Variants in POGZ observed in about 807,000 individuals in gnomAD.
POGZ encodes the protein pogo transposable element with ZNF domain.
A neutral mutation model predicts 134.6 loss-of-function variants in POGZ; 17 were observed. That is an observed-to-expected ratio of 0.13 (90% CI 0.09 to 0.19). The LOEUF is 0.19. Among genes scored for constraint, POGZ ranks in the 10% least tolerant of loss-of-function variants. The pLI is 1.00. For missense variants in POGZ, 1,306 were observed against 1,769.7 expected, an observed-to-expected ratio of 0.74 and a Z score of 4.70; for synonymous variants, 693 against 657.1, an observed-to-expected ratio of 1.05 and a Z score of -0.84.
intron 3 of POGZ, among the ~76,000 whole-genome samples, chr1:151,433,833 A>G (rs942885510): frequency 6.6e-6 from 1 of 152,174 alleles, no homozygotes; most frequent in African/African-American, 2.4e-5. Flanking sequence ...TTCTATTTCC[A>G]GAGGATGAAA....
intron 5 of POGZ, among the ~76,000 whole-genome samples, chr1:151,428,629 C>CA (rs1260982621): frequency 6.6e-6 from 1 of 152,122 alleles, no homozygotes; most frequent in East Asian, 1.9e-4. Context: ...ATAAGACTCC[C>CA]ATCAACTCCT....
chr1:151,409,517 T>C (rs12084775), intron 12 of POGZ, among the ~76,000 whole-genome samples: 4,276 of 152,264 alleles, frequency 0.028, 204 homozygotes, highest in African/African-American at 0.098. Context: ...TGTATTTTTT[T>C]GTAGAGACGG....
intron 3 of POGZ, among the ~76,000 whole-genome samples, chr1:151,433,683 G>C (rs1659108500): frequency 6.7e-6 from 1 of 148,848 alleles, no homozygotes; most frequent in African/African-American, 2.5e-5. Flanking sequence ...GACCAGATTA[G>C]ATTCACAATG....
At chr1:151,459,013 G>GCCCCCCCC (rs550552322) in intron 1 of POGZ, 139 bp downstream of exon 1, 1 of 142,090 alleles carries the variant, frequency 7.0e-6, no homozygotes, top group African/African-American at 2.5e-5. Context: ...CGCACCGCCG[G>GCCCCCCCC]CCCCCCGCCC....
chr1:151,418,552 T>C (rs1228443747), intron 10 of POGZ, among the ~76,000 whole-genome samples: 1 of 152,198 alleles, frequency 6.6e-6, no homozygotes, highest in Non-Finnish European at 1.5e-5. Context: ...CAATAACCTG[T>C]TGTAAATTTT....
rs375598078 is a variant in POGZ, at chr1:151,423,933, G to A, written c.1523+16C>T. The A allele has an allele frequency of 7.6e-6, 12 of 1,582,574 alleles. No individual in the cohort carries two copies. In the Admixed American group the frequency reaches 1.0e-4, roughly 14 times the overall value. On this transcript the variant is annotated intron_variant, in intron 9 of 18. Coordinates refer to ENST00000271715, the MANE Select transcript of POGZ (RefSeq NM_015100.4). ...TCTCTTGTTCAAGGTAACTTCCAAG[G>A]CTCTTAAACACTTACCGAATATTGT... is the stretch of plus-strand genomic sequence containing the variant.
chr1:151,458,294 G>C (rs1057139959), intron 1 of POGZ, among the ~76,000 whole-genome samples: 9 of 151,870 alleles, frequency 5.9e-5, no homozygotes, highest in Admixed American at 5.2e-4. Flanking sequence ...TAGTCCCCGG[G>C]ATAAACATGG....
intron 2 of POGZ, 26 bp from the exon 3 acceptor site, chr1:151,441,112 C>T: frequency 6.2e-7 from 1 of 1,602,962 alleles, no homozygotes. Flanking sequence ...GGCATAGTCA[C>T]TTGGAGACAG....
intron 1 of POGZ, among the ~76,000 whole-genome samples, chr1:151,451,543 C>A (rs1472168560): frequency 6.6e-6 from 1 of 151,474 alleles, no homozygotes; most frequent in East Asian, 2.0e-4. Flanking sequence ...TCAGGCTGGT[C>A]TTCAACTCCT....
rs762138684 is a variant in POGZ at position 151,406,913 on chromosome 1, C to T, written c.2543G>A (p.Arg848Gln). 5.0e-6 allele frequency: 8 copies of T among 1,609,794 alleles called. No homozygotes were observed. The highest frequency in any genetic ancestry group is 1.3e-5 in the African/African-American group (1 of 74,940). Residue 848 changes from arginine (R) to glutamine (Q), a missense_variant and splice_region_variant, in exon 17 of 19, where the codon CGG (arginine) becomes CAG (glutamine). Arg to Gln is a conservative substitution (Grantham distance 43). Around this residue, in one of 10 missense-constraint regions of POGZ, gnomAD observed 214 missense variants for 255.5 expected, o/e 0.84. Transcript: ENST00000271715. Reference protein sequence around the residue: ...PSHRSSSILPRGLTWIAHSRH... With the variant: ...PSHRSSSILPQGLTWIAHSRH... ...TAATCCCCTTCTCTCCTACTTACCCCGTGGCAGGATGCTGCTGGATCTGTG... is the reference window on the plus strand; with the variant it reads ...TAATCCCCTTCTCTCCTACTTACCCTGTGGCAGGATGCTGCTGGATCTGTG...
At chr1:151,440,439 AT>A (rs1181461577) in intron 3 of POGZ, among the ~76,000 whole-genome samples, 2 of 152,106 alleles carry the variant, frequency 1.3e-5, no homozygotes, top group African/African-American at 2.4e-5. Flanking sequence ...ATTAAAAAAA[AT>A]AAAATAAAAT....
intron 1 of POGZ, among the ~76,000 whole-genome samples, chr1:151,442,636 A>G (rs530779138): frequency 9.7e-4 from 143 of 147,768 alleles, no homozygotes; most frequent in Non-Finnish European, 1.8e-3. Context: ...GTTTGAATCC[A>G]GGAGGCAGAG....
rs773506285 is a variant in POGZ, at chr1:151,404,944, G to C, written c.4091C>G (p.Ser1364Cys). Reference protein sequence around the residue: ...EEQLKLSGEHSESSTPRPRSS... With the variant: ...EEQLKLSGEHCESSTPRPRSS... The stretch of plus-strand genomic sequence containing the variant: ...TCTGGGTCGTGGAGTGGAAGACTCA[G>C]AATGTTCCCCACTCAGCTTCAGTTG... The change falls in exon 19 of 19, where the codon TCT becomes TGT. Residue 1364 changes from serine (S) to cysteine (C), a missense_variant. Ser to Cys is a moderately radical substitution (Grantham distance 112). Transcript: ENST00000271715. 1 of 1,614,186 alleles carries C rather than the reference G, an allele frequency of 6.2e-7. No individual in the cohort carries two copies. The highest frequency in any genetic ancestry group is 1.1e-5 in the South Asian group (1 of 91,086).
Position 151,408,398 on chromosome 1 carries a change from A to G in POGZ, c.2234+11T>C, listed in dbSNP as rs746287448. 126 of 1,581,434 alleles carry G rather than the reference A, an allele frequency of 8.0e-5. No homozygotes were observed. The highest frequency in any genetic ancestry group is 1.0e-4 in the Non-Finnish European group (117 of 1,168,284). ...TCCCCACCCGCCCAGCACTTAGAAG[A>G]AGGCGCTGACATTTTCCTAACAGCT... On this transcript the variant is annotated intron_variant, in intron 14 of 18. Coordinates refer to ENST00000271715, the MANE Select transcript of POGZ (RefSeq NM_015100.4).
In POGZ at chr1:151,403,243, A is replaced by G; in HGVS notation, c.*1559T>C. The G allele has an allele frequency of 5.1e-6, 5 of 985,794 alleles. No homozygotes were observed. Among genetic ancestry groups the G allele is most frequent in the Non-Finnish European group, 6.0e-6 (5 of 829,912 alleles). The allele number at this position is 985,794 out of a possible 1,614,324, so 61.1% of individuals were successfully genotyped here. A position where few individuals can be genotyped will look rare whatever the true frequency, so the allele number is the denominator to read the frequency against. On this transcript the variant is annotated 3_prime_UTR_variant, in exon 19 of 19. Transcript: ENST00000271715. Reference sequence around the variant, plus strand: ...AAAAAAGCAGGGTGGGGTGGGAGAAATGGGTGGTAACAAATGTCACACCTG... The same window carrying G: ...AAAAAAGCAGGGTGGGGTGGGAGAAGTGGGTGGTAACAAATGTCACACCTG...
chr1:151,458,782 G>C (rs911813209), intron 1 of POGZ, among the ~76,000 whole-genome samples: 11 of 145,576 alleles, frequency 7.6e-5, no homozygotes, highest in African/African-American at 2.7e-4. Flanking sequence ...GTGGACGTCG[G>C]GCTGTGTGCG....
intron 9 of POGZ, 95 bp from the exon 10 acceptor site, chr1:151,423,646 C>T (rs1407692936): frequency 1.0e-6 from 1 of 971,402 alleles, no homozygotes; most frequent in Non-Finnish European, 1.5e-6. Flanking sequence ...ACATTATCTG[C>T]TCCCCTCCAT....
intron 17 of POGZ, 109 bp downstream of exon 17, chr1:151,406,802 C>A: frequency 1.0e-6 from 1 of 996,346 alleles, no homozygotes; most frequent in Non-Finnish European, 1.6e-6. Context: ...TCCAGCACAT[C>A]TCAACAGTGA....
chr1:151,441,712 A>G (rs1269785669), intron 2 of POGZ, among the ~76,000 whole-genome samples: 1 of 152,110 alleles, frequency 6.6e-6, no homozygotes, highest in African/African-American at 2.4e-5. Flanking sequence ...ACAAAATAAA[A>G]CAAAAAAAAC....
Sources: allele counts gnomAD v4.1 joint callset (sites outside exome capture counted in the v4.1 genomes callset), GRCh38; gene constraint gnomAD v4.1.1; regional missense constraint gnomAD v4.1.1; transcripts MANE v1.5; gene names NCBI Gene and HGNC (gene_info 2026-07-23, HGNC 2026-07-21).